The following NLGN1 variants were observed in gnomAD, a reference collection of about 807,000 sequenced individuals.
NLGN1 encodes the protein neuroligin-1.
NLGN1 carries 12 observed loss-of-function variants against 65.5 expected under a neutral mutation model. The observed-to-expected ratio is 0.18, with a 90% CI of 0.12 to 0.30. The LOEUF (loss-of-function observed/expected upper bound fraction) is 0.30, where lower values mean the gene tolerates loss of function less well. Among genes scored for constraint, NLGN1 ranks in the 10% least tolerant of loss-of-function variants. The pLI, the probability that NLGN1 is intolerant of heterozygous loss-of-function variation, is 1.00. For synonymous variants in NLGN1, 350 were observed against 359.5 expected (o/e 0.97, Z 0.30); for missense variants, 750 against 1,007.1 (o/e 0.74, Z 3.46).
intron 3 of NLGN1, among the ~76,000 whole-genome samples, chr3:173,672,275 G>A (rs961189766): frequency 2.0e-5 from 3 of 152,134 alleles, no homozygotes; most frequent in African/African-American, 7.2e-5. Flanking sequence ...GTAACCTTTG[G>A]GATTTATGTG....
chr3:173,849,258 A>C (rs1726424913), intron 4 of NLGN1, among the ~76,000 whole-genome samples: 1 of 152,160 alleles, frequency 6.6e-6, no homozygotes. Context: ...TAGTAGTAGT[A>C]GATAGGTTTG....
At position 174,222,755 on chromosome 3, in the gene NLGN1, A is replaced by G. The variant is rs139846041; in HGVS notation, c.647-52560A>G. 1.1e-3 allele frequency among the ~76,000 whole-genome samples: 164 copies of G among 152,198 alleles called. 4 individuals carry two copies. In the East Asian group the frequency reaches 0.028, roughly 26 times the overall value. On this transcript the variant is annotated intron_variant, in intron 4 of 6. Coordinates refer to ENST00000457714, the Ensembl canonical transcript of NLGN1. ...GATTCATAAGACACATGTAAATGTAATCTCCCTTCTGCACACCACTGGCTC... is the reference window on the plus strand; with the variant it reads ...GATTCATAAGACACATGTAAATGTAGTCTCCCTTCTGCACACCACTGGCTC...
intron 3 of NLGN1, among the ~76,000 whole-genome samples, chr3:173,705,135 A>G (rs1003165273): frequency 1.3e-5 from 2 of 152,030 alleles, no homozygotes; most frequent in Non-Finnish European, 2.9e-5. Flanking sequence ...ATTTTTTTCA[A>G]CTGATCTCCT....
In NLGN1 at chr3:173,469,144, G is replaced by T. The variant is rs988430474; in HGVS notation, c.-321+34066G>T. Among the ~76,000 whole-genome samples, 8 of 152,072 alleles carry T rather than the reference G, an allele frequency of 5.3e-5. No homozygotes were observed. In the East Asian group the frequency reaches 1.5e-3, roughly 29 times the overall value. ...AAATAATACACTATTGATACTTCTT[G>T]TAAAGCCTTAATTTTTAAATTTTTT... On this transcript the variant is annotated intron_variant, in intron 2 of 6. Coordinates refer to ENST00000457714, the Ensembl canonical transcript of NLGN1.
chr3:173,561,741 T>G (rs1456660542), intron 2 of NLGN1, among the ~76,000 whole-genome samples: 4 of 152,202 alleles, frequency 2.6e-5, no homozygotes, highest in Non-Finnish European at 4.4e-5. Context: ...AAATAATTTA[T>G]TGAGTCCATA....
intron 4 of NLGN1, among the ~76,000 whole-genome samples, chr3:173,866,617 A>G (rs1730230501): frequency 6.6e-6 from 1 of 152,200 alleles, no homozygotes; most frequent in South Asian, 2.1e-4. Flanking sequence ...CTAAGTTTAC[A>G]TCGATATCAA....
chr3:174,069,368 A>G (rs1197172366), intron 4 of NLGN1, among the ~76,000 whole-genome samples: 2 of 152,172 alleles, frequency 1.3e-5, no homozygotes, highest in Non-Finnish European at 2.9e-5. Flanking sequence ...TAACTCTGAT[A>G]GCTGTGCCCA....
chr3:174,183,155 C>T (rs767825255), intron 4 of NLGN1, among the ~76,000 whole-genome samples: 7 of 152,028 alleles, frequency 4.6e-5, no homozygotes, highest in Non-Finnish European at 7.4e-5. Flanking sequence ...TGCCTGGCAC[C>T]TCCCGTCCCC....
rs1445258965 is a variant in NLGN1, at chr3:173,539,752, AACATAT to A, written c.-320-64522_-320-64517del. On this transcript the variant is annotated intron_variant, in intron 2 of 6. Coordinates refer to ENST00000457714, the Ensembl canonical transcript of NLGN1. ...CATATATACATATATGTACATATAT[AACATAT>A]ACATGTACATATATAACACATATAT... Among the ~76,000 whole-genome samples the A allele has an allele frequency of 3.5e-5, 4 of 114,200 alleles. No individual in the cohort carries two copies. The East Asian group carries it at 8.2e-4, about 23-fold the overall frequency. The allele number at this position is 114,200 out of a possible 152,430, so 74.9% of individuals were successfully genotyped here.
intron 1 of NLGN1, among the ~76,000 whole-genome samples, chr3:173,427,968 T>A (rs1716457954): frequency 6.6e-6 from 1 of 151,848 alleles, no homozygotes; most frequent in African/African-American, 2.4e-5. Context: ...TATTAATATT[T>A]GCTTTATATA....
chr3:174,073,891 A>C (rs1439883090), intron 4 of NLGN1, among the ~76,000 whole-genome samples: 1 of 152,208 alleles, frequency 6.6e-6, no homozygotes, highest in South Asian at 2.1e-4. Context: ...TAGTTAAATA[A>C]ATGATAAATA....
At chr3:173,409,630 G>A (rs532124698) in intron 1 of NLGN1, among the ~76,000 whole-genome samples, 7 of 152,102 alleles carry the variant, frequency 4.6e-5, no homozygotes, top group African/African-American at 1.7e-4. Context: ...CTCTTACATG[G>A]CATCCTTTCT....
chr3:173,404,731 T>G (rs898580493), intron 1 of NLGN1, among the ~76,000 whole-genome samples: 1 of 152,134 alleles, frequency 6.6e-6, no homozygotes, highest in African/African-American at 2.4e-5. Context: ...ATTTCACAAA[T>G]CCATTGTGAA....
intron 4 of NLGN1, among the ~76,000 whole-genome samples, chr3:174,186,760 A>G (rs1055345271): frequency 8.5e-5 from 13 of 152,076 alleles, no homozygotes; most frequent in African/African-American, 3.1e-4. Context: ...TTGCACACTT[A>G]CTATGCAAAA....
intron 3 of NLGN1, among the ~76,000 whole-genome samples, chr3:173,769,768 C>A (rs1050433126): frequency 6.6e-6 from 1 of 152,104 alleles, no homozygotes; most frequent in East Asian, 1.9e-4. Context: ...AATTCATATG[C>A]CAGTGAATAA....
intron 3 of NLGN1, among the ~76,000 whole-genome samples, chr3:173,687,412 T>C (rs2149808402): frequency 6.6e-6 from 1 of 152,338 alleles, no homozygotes; most frequent in Admixed American, 6.5e-5. Flanking sequence ...CTTATGCCTA[T>C]ACATAGAATC....
chr3:173,879,809 A>C (rs1016710629), intron 4 of NLGN1, among the ~76,000 whole-genome samples: 1 of 152,084 alleles, frequency 6.6e-6, no homozygotes, highest in Non-Finnish European at 1.5e-5. Context: ...GTTTTCTAGA[A>C]TTTCTAGTTG....
chr3:173,919,406 A>T, intron 4 of NLGN1, among the ~76,000 whole-genome samples: 1 of 152,218 alleles, frequency 6.6e-6, no homozygotes, highest in East Asian at 1.9e-4. Context: ...GGTTTTTACC[A>T]TATGACAGAA....
At chr3:174,288,048 G>A (rs535839282), downstream of NLGN1, among the ~76,000 whole-genome samples, 5 of 151,690 alleles carry the variant, frequency 3.3e-5, no homozygotes, top group Admixed American at 1.3e-4. Flanking sequence ...CTATTGTCAA[G>A]TTTGGAATAG....
Sources: allele counts gnomAD v4.1 joint callset (sites outside exome capture counted in the v4.1 genomes callset), GRCh38; gene constraint gnomAD v4.1.1; transcripts MANE v1.5; gene names NCBI Gene and HGNC (gene_info 2026-07-23, HGNC 2026-07-21).